The following ZSCAN30 variants were observed in gnomAD, a reference collection of about 807,000 sequenced individuals.
ZSCAN30 encodes zinc finger and SCAN domain-containing protein 30.
In ZSCAN30, 37 loss-of-function variants were observed where a neutral mutation model predicts 44.3. The observed-to-expected ratio is 0.84, with a 90% CI of 0.64 to 1.10. The LOEUF is 1.10. ZSCAN30 is among the 50% of genes least tolerant of loss of function. ZSCAN30 has a pLI of 0.00. For synonymous variants in ZSCAN30, 181 were observed against 204.6 expected (o/e 0.88, Z 0.98); for missense variants, 549 against 582.6 (o/e 0.94, Z 0.59).
intron 1 of ZSCAN30, among the ~76,000 whole-genome samples, chr18:35,271,877 G>A (rs1040119670): frequency 1.3e-5 from 2 of 152,184 alleles, no homozygotes; most frequent in Admixed American, 1.3e-4. Context: ...CCCCTCCGCA[G>A]CTGCTGGCCC....
chr18:35,263,845 C>G (rs2044087913), intron 2 of ZSCAN30, 100 bp downstream of exon 2: 4 of 1,470,752 alleles, frequency 2.7e-6, no homozygotes, highest in African/African-American at 1.4e-5. Context: ...AAGAAAGAAA[C>G]TGTATAATTC....
intron 1 of ZSCAN30, among the ~76,000 whole-genome samples, chr18:35,271,118 A>T (rs1385868136): frequency 6.6e-6 from 1 of 152,204 alleles, no homozygotes; most frequent in Non-Finnish European, 1.5e-5. Flanking sequence ...CAGCAGCAAG[A>T]TTTATTGCAA....
chr18:35,264,464 G>A lies in ZSCAN30; in HGVS notation c.-103-9C>T. On this transcript the variant is annotated splice_polypyrimidine_tract_variant and intron_variant, in intron 1 of 3. Transcript: ENST00000333206. ...AACTCCCCAGGACGCTCCTGAGGGTGGACAATGCTCATGTTACACAGGGAA... is the reference window on the plus strand; with the variant it reads ...AACTCCCCAGGACGCTCCTGAGGGTAGACAATGCTCATGTTACACAGGGAA... The A allele has an allele frequency of 9.2e-7, 1 of 1,086,924 alleles. No homozygotes were observed. The highest frequency in any genetic ancestry group is 1.3e-6 in the Non-Finnish European group (1 of 769,328). 67.3% of individuals were successfully genotyped at this position (1,086,924 alleles called of 1,614,324 possible).
chr18:35,251,431 C>T lies in ZSCAN30; in HGVS notation c.*2019G>A, dbSNP rs956080959. The T allele has an allele frequency of 4.6e-5, 7 of 152,172 alleles. No individual in the cohort carries two copies. Among genetic ancestry groups the T allele is most frequent in the Non-Finnish European group, 8.8e-5 (6 of 68,034 alleles). 9.4% of individuals were successfully genotyped at this position (152,172 alleles called of 1,614,324 possible). On this transcript the variant is annotated 3_prime_UTR_variant, in exon 4 of 4. Transcript: ENST00000333206. ...CTTTAGACTTCTGATCGACCTCACT[C>T]GATAACTGCACAACCTCTGGACACA... is the stretch of plus-strand genomic sequence containing the variant.
intron 1 of ZSCAN30, among the ~76,000 whole-genome samples, chr18:35,270,426 ATT>A (rs1282917157): frequency 6.6e-6 from 1 of 152,068 alleles, no homozygotes; most frequent in Non-Finnish European, 1.5e-5. Flanking sequence ...GCTCTTTTTA[ATT>A]TTTGTTTCTC....
chr18:35,260,869 T>C (rs1486874004), intron 3 of ZSCAN30: 1 of 152,222 alleles, frequency 6.6e-6, no homozygotes, highest in Non-Finnish European at 1.5e-5. Flanking sequence ...GTCCCATTTG[T>C]CAATTTTTGC....
At chr18:35,262,688 G>A (rs2044051517) in intron 3 of ZSCAN30, 1 of 152,290 alleles carries the variant, frequency 6.6e-6, no homozygotes, top group South Asian at 2.1e-4. Flanking sequence ...CCCATGGGGA[G>A]CTTCTAGCAC....
chr18:35,267,491 C>T (rs1044109915), intron 1 of ZSCAN30: 1 of 10,514 alleles, frequency 9.5e-5, no homozygotes, highest in Non-Finnish European at 1.1e-3. Context: ...GCTCTACCGG[C>T]GGCGGCGGGA....
Position 35,253,428 on chromosome 18 carries a change from T to C in ZSCAN30, c.*22A>G. Reference sequence around the variant, plus strand: ...CAGTGAACTCCTTGCATTTCACAATTGTACAACTCTTACCCACAGAGTTAA... The same window carrying C: ...CAGTGAACTCCTTGCATTTCACAATCGTACAACTCTTACCCACAGAGTTAA... On this transcript the variant is annotated 3_prime_UTR_variant, in exon 4 of 4. Transcript: ENST00000333206. 6.5e-7 allele frequency: 1 copy of C among 1,527,918 alleles called. No individual in the cohort carries two copies. The highest frequency in any genetic ancestry group is 1.3e-5 in the South Asian group (1 of 75,690). The allele number at this position is 1,527,918 out of a possible 1,614,324, so 94.6% of individuals were successfully genotyped here.
chr18:35,258,445 GTATTT>G (rs1194610318), intron 3 of ZSCAN30: 1 of 158,106 alleles, frequency 6.3e-6, no homozygotes, highest in African/African-American at 2.4e-5. Context: ...TCTCATTAGA[GTATTT>G]TATTTTGTCT....
intron 3 of ZSCAN30, among the ~76,000 whole-genome samples, chr18:35,256,039 G>A (rs1372898720): frequency 6.6e-6 from 1 of 151,836 alleles, no homozygotes; most frequent in African/African-American, 2.4e-5. Flanking sequence ...AAAATTAAGG[G>A]CAATGAAAAT....
rs1278153736 is a variant in ZSCAN30, at chr18:35,254,080, A to G, written c.855T>C (p.Asn285=). Residue 285 remains asparagine, a synonymous_variant, in exon 4 of 4, where the codon AAT becomes AAC. Coordinates refer to ENST00000333206, the MANE Select transcript of ZSCAN30 (RefSeq NM_001112734.4). ...CGCTCTGTTGTGTAATATCATTTGA[A>G]TTCATACTGAAACTTCCTTCACTCT... ...SHESEGSFSM[N]SNDITQQSVD... The G allele has an allele frequency of 6.2e-7, 1 of 1,614,124 alleles. No homozygotes were observed. Among genetic ancestry groups the G allele is most frequent in the South Asian group, 1.1e-5 (1 of 91,088 alleles).
chr18:35,256,486 G>A (rs2043821965), intron 3 of ZSCAN30, among the ~76,000 whole-genome samples: 2 of 151,922 alleles, frequency 1.3e-5, no homozygotes, highest in Non-Finnish European at 1.5e-5. Flanking sequence ...ACTTGAACCA[G>A]GGACGTGGAG....
intron 1 of ZSCAN30, among the ~76,000 whole-genome samples, chr18:35,288,791 A>G (rs138973320): frequency 6.6e-6 from 1 of 152,360 alleles, no homozygotes; most frequent in African/African-American, 2.4e-5. Context: ...GGGCATTGGG[A>G]GAGAGGCTTA....
In ZSCAN30 at chr18:35,263,932, G is replaced by C. The variant is rs754125792; in HGVS notation, c.408+13C>G. The stretch of plus-strand genomic sequence containing the variant: ...TACAATAGATCAAACAAACAAAAAT[G>C]TTTACTTCTTACCTGTTGCCTTGGC... On this transcript the variant is annotated intron_variant, in intron 2 of 3. Transcript: ENST00000333206. 6.2e-7 allele frequency: 1 copy of C among 1,608,628 alleles called. No homozygotes were observed. The highest frequency in any genetic ancestry group is 8.5e-7 in the Non-Finnish European group (1 of 1,176,794).
chr18:35,283,705 T>G (rs756350390), intron 1 of ZSCAN30: 1 of 152,256 alleles, frequency 6.6e-6, no homozygotes, highest in African/African-American at 2.4e-5. Flanking sequence ...GCTTGGAGAC[T>G]CCAGGAAATG....
At chr18:35,281,830 T>C (rs1440265635) in intron 1 of ZSCAN30, 2 of 151,534 alleles carry the variant, frequency 1.3e-5, no homozygotes, top group South Asian at 2.1e-4. Context: ...CTAATCCAGA[T>C]GCATCCCACA....
intron 2 of ZSCAN30, 125 bp from the exon 3 acceptor site, chr18:35,263,782 A>C: frequency 1.0e-5 from 14 of 1,383,594 alleles, no homozygotes; most frequent in Non-Finnish European, 1.4e-5. Flanking sequence ...AAAAAACAGG[A>C]CCTTAAGAGC....
At chr18:35,279,993 G>A (rs2044427317) in intron 1 of ZSCAN30, among the ~76,000 whole-genome samples, 1 of 152,110 alleles carries the variant, frequency 6.6e-6, no homozygotes, top group African/African-American at 2.4e-5. Flanking sequence ...AAACCACTGT[G>A]GGCCAGAAGC....
Sources: gnomAD v4.1 joint callset for allele counts (sites outside exome capture counted in the v4.1 genomes callset) on GRCh38, gnomAD v4.1.1 for gene constraint, MANE v1.5 for transcripts, NCBI Gene and HGNC (gene_info 2026-07-23, HGNC 2026-07-21) for gene names.